The following PSMD13 variants were observed in gnomAD, a reference collection of about 807,000 sequenced individuals.
PSMD13 encodes the protein 26S proteasome non-ATPase regulatory subunit 13.
A neutral mutation model predicts 57.4 loss-of-function variants in PSMD13; 8 were observed. That is an observed-to-expected ratio of 0.14 (90% CI 0.08 to 0.25). PSMD13 has a LOEUF of 0.25. Ranked by LOEUF, PSMD13 falls within the 10% of genes least tolerant of loss-of-function variation. The probability of loss-of-function intolerance (pLI) is 1.00; values close to 1 mark genes in which losing one functional copy is unlikely to be tolerated. For synonymous variants in PSMD13, 193 were observed against 168.2 expected (o/e 1.15, Z -1.14); for missense variants, 400 against 461.5 (o/e 0.87, Z 1.22).
intron 2 of PSMD13, among the ~76,000 whole-genome samples, 175 bp from the exon 3 acceptor site, chr11:243,866 T>C (rs956511872): frequency 3.3e-5 from 5 of 152,266 alleles, no homozygotes; most frequent in Non-Finnish European, 7.3e-5. Context: ...AGCCCTGATA[T>C]GGTCTCCTAT....
intron 6 of PSMD13, among the ~76,000 whole-genome samples, chr11:245,284 GTC>G (rs1490199656): frequency 6.6e-6 from 1 of 152,106 alleles, no homozygotes; most frequent in Non-Finnish European, 1.5e-5. Context: ...CTTTGTGTGT[GTC>G]TGTAGCTTTT....
At chr11:242,476 C>G (rs1003571660) in intron 2 of PSMD13, among the ~76,000 whole-genome samples, 1 of 151,730 alleles carries the variant, frequency 6.6e-6, no homozygotes, top group Non-Finnish European at 1.5e-5. Flanking sequence ...CATGTTTACA[C>G]AGAAGATAGA....
In PSMD13 at chr11:251,921, G is replaced by T; in HGVS notation, c.1020G>T (p.Val340=). Residue 340 remains valine (V), a synonymous_variant, in exon 12 of 13, where the codon GTG becomes GTT. Coordinates refer to ENST00000532097, the MANE Select transcript of PSMD13 (RefSeq NM_002817.4). The surrounding 1 kb of genome is among the most constrained non-coding windows in gnomAD (Gnocchi z 4.6). Reference sequence around the variant, plus strand: ...ACATGACCTGGGTGCAGCCCCGAGTGTTGGATTTGCAACAGGTGATGTGTT... The same window carrying T: ...ACATGACCTGGGTGCAGCCCCGAGTTTTGGATTTGCAACAGGTGATGTGTT... ...RVHMTWVQPR[V]LDLQQIKGMK... 3.1e-6 allele frequency: 5 copies of T among 1,613,726 alleles called. No individual in the cohort carries two copies. Among genetic ancestry groups the T allele is most frequent in the Non-Finnish European group, 4.2e-6 (5 of 1,179,606 alleles).
chr11:245,255 A>G (rs1859606747), intron 6 of PSMD13, among the ~76,000 whole-genome samples: 1 of 152,102 alleles, frequency 6.6e-6, no homozygotes, highest in African/African-American at 2.4e-5. Context: ...CCCGATTGCT[A>G]ACCTTTTACC....
chr11:246,013 C>G (rs889614721), intron 6 of PSMD13, among the ~76,000 whole-genome samples: 2 of 152,146 alleles, frequency 1.3e-5, no homozygotes, highest in Non-Finnish European at 2.9e-5. Context: ...GACCACACTT[C>G]TCCCCCAGCC....
intron 2 of PSMD13, chr11:243,020 TC>T (rs59225278): frequency 6.5e-6 from 1 of 154,824 alleles, no homozygotes; most frequent in East Asian, 1.4e-4. Flanking sequence ...GGTTCCAATC[TC>T]TTGACCTCAT....
intron 6 of PSMD13, among the ~76,000 whole-genome samples, chr11:245,041 A>G (rs1465917215): frequency 6.6e-6 from 1 of 151,540 alleles, no homozygotes; most frequent in Non-Finnish European, 1.5e-5. Context: ...CACGGGTTCA[A>G]GCAATTCTCC....
chr11:237,199 GC>G (rs1859287185), intron 1 of PSMD13, 55 bp downstream of exon 1: 1 of 1,534,126 alleles, frequency 6.5e-7, no homozygotes, highest in Non-Finnish European at 8.9e-7. Flanking sequence ...GACGGAGGGG[GC>G]AGGCGGGCGG....
intron 10 of PSMD13, 84 bp downstream of exon 10, chr11:250,949 A>C: frequency 8.1e-7 from 1 of 1,232,606 alleles, no homozygotes; most frequent in Non-Finnish European, 1.2e-6. Context: ...GCCTGTGCTG[A>C]GCAGTGTGAG....
At chr11:243,646 C>T (rs2133986091) in intron 2 of PSMD13, among the ~76,000 whole-genome samples, 1 of 152,298 alleles carries the variant, frequency 6.6e-6, no homozygotes, top group South Asian at 2.1e-4. Flanking sequence ...AGGCCATCTT[C>T]ACAAGGGTCC....
Position 252,060 on chromosome 11 carries a change from G to T in PSMD13, c.1035+124G>T. The T allele has an allele frequency of 1.1e-6, 1 of 918,008 alleles. No homozygotes were observed. 56.9% of individuals were successfully genotyped at this position (918,008 alleles called of 1,614,324 possible). ...GCATTATTAGACAAGAGGTTTTGGA[G>T]AAGGAAATACTGCTGTTGGGTTTTT... On this transcript the variant is annotated intron_variant, in intron 12 of 12. Transcript: ENST00000532097. This position sits in a 1 kb window ranked among gnomAD's most constrained non-coding sequence, Gnocchi z 4.1.
Position 252,729 on chromosome 11 carries a change from C to A in PSMD13, c.*129C>A, listed in dbSNP as rs1859792754. ...GTTGGGATCCTGTCTGAAGTACAGA[C>A]TGTTCTTGCTCTAAAAACAGGACTG... On this transcript the variant is annotated 3_prime_UTR_variant, in exon 13 of 13. Transcript: ENST00000532097. The surrounding 1 kb of genome is among the most constrained non-coding windows in gnomAD (Gnocchi z 4.1). The A allele has an allele frequency of 1.3e-6, 1 of 798,660 alleles. No individual in the cohort carries two copies. Among genetic ancestry groups the A allele is most frequent in the South Asian group, 1.6e-5 (1 of 62,874 alleles). The allele number at this position is 798,660 out of a possible 1,614,324, so 49.5% of individuals were successfully genotyped here. A position where few individuals can be genotyped will look rare whatever the true frequency, so the allele number is the denominator to read the frequency against.
chr11:241,201 A>C (rs1210617), intron 2 of PSMD13, among the ~76,000 whole-genome samples: 2,485 of 152,198 alleles, frequency 0.016, 71 homozygotes, highest in African/African-American at 0.056. Context: ...GTGCAATGGC[A>C]GATCTCAGCT....
In PSMD13 at chr11:252,080, G is replaced by T. The variant is rs565207555; in HGVS notation, c.1035+144G>T. 8.3e-5 allele frequency: 63 copies of T among 761,342 alleles called. No homozygotes were observed. The East Asian group carries it at 1.3e-3, about 15-fold the overall frequency. The allele number at this position is 761,342 out of a possible 1,614,324, so 47.2% of individuals were successfully genotyped here. A position where few individuals can be genotyped will look rare whatever the true frequency, so the allele number is the denominator to read the frequency against. On this transcript the variant is annotated intron_variant, in intron 12 of 12. Coordinates refer to ENST00000532097, the MANE Select transcript of PSMD13 (RefSeq NM_002817.4). The surrounding 1 kb of genome is among the most constrained non-coding windows in gnomAD (Gnocchi z 4.1). ...TTGGAGAAGGAAATACTGCTGTTGG[G>T]TTTTTCTAAGAGCCTAATTTAATGC...
chr11:251,469 A>G lies in PSMD13; in HGVS notation c.838-77A>G. On this transcript the variant is annotated intron_variant, in intron 10 of 12. Transcript: ENST00000532097. The surrounding 1 kb of genome is among the most constrained non-coding windows in gnomAD (Gnocchi z 4.6). ...TAAGATCTCTATTTTCAGAGCCAAT[A>G]TTGACAAAACATCCTTATCAGTTCT... 2 of 1,299,606 alleles carry G rather than the reference A, an allele frequency of 1.5e-6. No homozygotes were observed. Among genetic ancestry groups the G allele is most frequent in the Non-Finnish European group, 2.2e-6 (2 of 927,308 alleles). The allele number at this position is 1,299,606 out of a possible 1,614,324, so 80.5% of individuals were successfully genotyped here.
rs79474035 is a variant in PSMD13 at position 249,101 on chromosome 11, A to G, written c.774+44A>G. 1.8e-3 allele frequency: 2,861 copies of G among 1,601,916 alleles called. 39 individuals are homozygous for G. In the African/African-American group the frequency reaches 0.026, roughly 14 times the overall value. On this transcript the variant is annotated intron_variant, in intron 9 of 12. Transcript: ENST00000532097. Reference sequence around the variant, plus strand: ...CCAGCCCTTATTCCCCCATGTATCTACTCGCTCATACAACAGATGTTCATT... The same window carrying G: ...CCAGCCCTTATTCCCCCATGTATCTGCTCGCTCATACAACAGATGTTCATT...
chr11:240,457 G>A (rs1014689173), intron 2 of PSMD13, among the ~76,000 whole-genome samples: 1 of 152,128 alleles, frequency 6.6e-6, no homozygotes, highest in Non-Finnish European at 1.5e-5. Context: ...AAATCATCAC[G>A]ATAGATGATT....
chr11:248,557 AAAAT>A, intron 7 of PSMD13: 4 of 564,320 alleles, frequency 7.1e-6, no homozygotes, highest in Non-Finnish European at 1.3e-5. Flanking sequence ...TATTTAGGAA[AAAAT>A]AAATGAATGC....
chr11:248,900 G>T, intron 8 of PSMD13, 32 bp from the exon 9 acceptor site: 1 of 1,614,154 alleles, frequency 6.2e-7, no homozygotes, highest in Non-Finnish European at 8.5e-7. Context: ...AGAGACTAAA[G>T]TGTTACTAGC....
Sources: allele counts gnomAD v4.1 joint callset (sites outside exome capture counted in the v4.1 genomes callset), GRCh38; gene constraint gnomAD v4.1.1; non-coding constraint Gnocchi (gnomAD v3.1); transcripts MANE v1.5; gene names NCBI Gene and HGNC (gene_info 2026-07-23, HGNC 2026-07-21).